The following TNIP3 variants were observed in gnomAD, a reference collection of about 807,000 sequenced individuals.
The protein encoded by TNIP3 is TNFAIP3 interacting protein 3, also known as TNFAIP3-interacting protein 3.
TNIP3 carries 34 observed loss-of-function variants against 54.1 expected under a neutral mutation model. The observed-to-expected ratio is 0.63, with a 90% CI of 0.48 to 0.84. TNIP3 has a LOEUF of 0.84. Among genes scored for constraint, TNIP3 ranks in the 40% least tolerant of loss-of-function variants. The probability of loss-of-function intolerance (pLI) is 0.00; values close to 1 mark genes in which losing one functional copy is unlikely to be tolerated. For synonymous variants in TNIP3, 134 were observed against 136.8 expected (o/e 0.98, Z 0.14); for missense variants, 366 against 387.6 (o/e 0.94, Z 0.47).
At chr4:121,171,588 G>C (rs1267488594) in intron 3 of TNIP3, among the ~76,000 whole-genome samples, 5 of 152,158 alleles carry the variant, frequency 3.3e-5, no homozygotes, top group Non-Finnish European at 7.3e-5. Context: ...AGTGTAACCT[G>C]TCCTTACCAC....
intron 2 of TNIP3, among the ~76,000 whole-genome samples, chr4:121,193,995 T>G (rs1725435772): frequency 6.6e-6 from 1 of 152,098 alleles, no homozygotes; most frequent in South Asian, 2.1e-4. Context: ...AGAATAAAAT[T>G]TATGAAAACT....
At chr4:121,135,987 T>C (rs116645896) in intron 10 of TNIP3, among the ~76,000 whole-genome samples, 2,989 of 152,238 alleles carry the variant, frequency 0.02, 88 homozygotes, top group African/African-American at 0.068. Flanking sequence ...GTGAGGAATT[T>C]TTTGGTGGTG....
intron 2 of TNIP3, among the ~76,000 whole-genome samples, chr4:121,209,529 T>C (rs944164568): frequency 3.3e-5 from 5 of 152,104 alleles, no homozygotes; most frequent in Admixed American, 2.0e-4. Context: ...TCACACTGGG[T>C]ATAATGGATG....
At chr4:121,139,218 C>T (rs757205825) in intron 9 of TNIP3, among the ~76,000 whole-genome samples, 8 of 152,170 alleles carry the variant, frequency 5.3e-5, no homozygotes, top group Non-Finnish European at 1.0e-4. Context: ...AAGAACCGAT[C>T]CAGCAGAACC....
At chr4:121,132,725 G>T in intron 10 of TNIP3, 63 bp from the exon 11 acceptor site, 1 of 1,457,632 alleles carries the variant, frequency 6.9e-7, no homozygotes, top group South Asian at 1.2e-5. Context: ...TCTTCTTCTG[G>T]CTTAAGGCTG....
chr4:121,189,494 C>T (rs1725191020), intron 2 of TNIP3, among the ~76,000 whole-genome samples: 1 of 152,180 alleles, frequency 6.6e-6, no homozygotes, highest in South Asian at 2.1e-4. Context: ...TTATGATTTA[C>T]TGTAACTATG....
chr4:121,142,903 G>T, intron 7 of TNIP3, 127 bp from the exon 8 acceptor site: 1 of 705,224 alleles, frequency 1.4e-6, no homozygotes. Context: ...CCACAAGTTG[G>T]TTTTTGCAGA....
intron 3 of TNIP3, among the ~76,000 whole-genome samples, chr4:121,175,238 T>C (rs79609016): frequency 0.014 from 2,182 of 152,320 alleles, 49 homozygotes; most frequent in Admixed American, 0.024. Flanking sequence ...GCTGAAGTCA[T>C]GCAAGTCTGG....
At chr4:121,193,297 T>A (rs980514831) in intron 2 of TNIP3, among the ~76,000 whole-genome samples, 1 of 152,180 alleles carries the variant, frequency 6.6e-6, no homozygotes, top group African/African-American at 2.4e-5. Flanking sequence ...GTGAAATTGA[T>A]GAGCCTGGAA....
upstream of TNIP3, among the ~76,000 whole-genome samples, chr4:121,221,245 T>A (rs1383998930): frequency 6.6e-6 from 1 of 152,136 alleles, no homozygotes; most frequent in African/African-American, 2.4e-5. Context: ...TAATATTCAG[T>A]CTAAATCACT....
chr4:121,168,961 T>G (rs1730923403), upstream of TNIP3, among the ~76,000 whole-genome samples: 1 of 152,184 alleles, frequency 6.6e-6, no homozygotes, highest in Non-Finnish European at 1.5e-5. Flanking sequence ...CATTTTTGCA[T>G]GACACCAACT....
chr4:121,215,938 C>T (rs201926939), intron 2 of TNIP3, among the ~76,000 whole-genome samples: 1 of 148,200 alleles, frequency 6.7e-6, no homozygotes, highest in Non-Finnish European at 1.5e-5. Flanking sequence ...TTAAAAAAAA[C>T]TTTGAAAGAT....
chr4:121,184,897 G>A (rs1335713266), intron 2 of TNIP3, among the ~76,000 whole-genome samples: 1 of 152,174 alleles, frequency 6.6e-6, no homozygotes, highest in Non-Finnish European at 1.5e-5. Flanking sequence ...CTGTGAGGAG[G>A]AAAGTCACAA....
intron 2 of TNIP3, among the ~76,000 whole-genome samples, chr4:121,188,472 C>G (rs1382469966): frequency 4.6e-5 from 7 of 152,040 alleles, no homozygotes; most frequent in African/African-American, 1.7e-4. Context: ...ATTTTTGTTA[C>G]TTGTTCAAAG....
At chr4:121,151,576 A>T (rs1729760510) in intron 5 of TNIP3, among the ~76,000 whole-genome samples, 1 of 152,172 alleles carries the variant, frequency 6.6e-6, no homozygotes, top group Non-Finnish European at 1.5e-5. Flanking sequence ...AGCTCTAGGA[A>T]GTGTCAGAAT....
chr4:121,164,755 TA>T (rs1369197233), upstream of TNIP3, among the ~76,000 whole-genome samples: 1 of 152,202 alleles, frequency 6.6e-6, no homozygotes, highest in Non-Finnish European at 1.5e-5. Flanking sequence ...TAATTCATTG[TA>T]AAGAAAATGG....
At chr4:121,210,265 A>G (rs192910003) in intron 2 of TNIP3, among the ~76,000 whole-genome samples, 3 of 152,334 alleles carry the variant, frequency 2.0e-5, no homozygotes, top group Admixed American at 2.0e-4. Context: ...TTACATAGAG[A>G]TAAAATAAGT....
chr4:121,137,737 G>A, intron 10 of TNIP3: 1 of 327,068 alleles, frequency 3.1e-6, no homozygotes, highest in South Asian at 2.6e-5. Context: ...TCTCAGCTCT[G>A]ACTTCAAACG....
intron 4 of TNIP3, among the ~76,000 whole-genome samples, chr4:121,155,031 C>T (rs544715499): frequency 1.3e-5 from 2 of 151,146 alleles, no homozygotes; most frequent in Non-Finnish European, 2.9e-5. Context: ...GGTGTGATCT[C>T]AGCTCACTGC....
Sources: allele counts gnomAD v4.1 joint callset (sites outside exome capture counted in the v4.1 genomes callset), GRCh38; gene constraint gnomAD v4.1.1; transcripts MANE v1.5; gene names NCBI Gene and HGNC (gene_info 2026-07-23, HGNC 2026-07-21).